Variants in JAZF1 observed in about 807,000 individuals in gnomAD.
JAZF1 encodes juxtaposed with another zinc finger protein 1.
A neutral mutation model predicts 26.4 loss-of-function variants in JAZF1; 8 were observed. That is an observed-to-expected ratio of 0.30 (90% CI 0.18 to 0.55). The LOEUF is 0.55. Ranked by LOEUF, JAZF1 falls within the 20% of genes least tolerant of loss-of-function variation. The pLI is 0.94. For missense variants in JAZF1, 199 were observed against 322.0 expected (o/e 0.62, Z 2.92); for synonymous variants, 126 against 122.3 (o/e 1.03, Z -0.20).
intron 2 of JAZF1, among the ~76,000 whole-genome samples, chr7:27,944,584 G>A (rs1229894419): frequency 2.0e-5 from 3 of 152,152 alleles, no homozygotes; most frequent in Non-Finnish European, 4.4e-5. Context: ...TTTTATTTCA[G>A]TCTGGGTCTC....
chr7:28,136,744 G>T (rs1183238160), intron 1 of JAZF1, among the ~76,000 whole-genome samples: 1 of 151,942 alleles, frequency 6.6e-6, no homozygotes, highest in Non-Finnish European at 1.5e-5. Flanking sequence ...AATACTGCAT[G>T]AAGAGACCCA....
At chr7:27,953,785 T>C (rs1785046654) in intron 2 of JAZF1, among the ~76,000 whole-genome samples, 1 of 152,188 alleles carries the variant, frequency 6.6e-6, no homozygotes, top group Admixed American at 6.5e-5. Flanking sequence ...TTATCCTAAG[T>C]TATGGGCTGA....
chr7:27,937,061 G>A (rs1047499219), intron 2 of JAZF1, among the ~76,000 whole-genome samples: 2 of 152,100 alleles, frequency 1.3e-5, no homozygotes, highest in Non-Finnish European at 2.9e-5. Context: ...TTCTTGTGAG[G>A]CTTTGCCAAC....
At chr7:28,013,079 C>A (rs1782824535) in intron 1 of JAZF1, among the ~76,000 whole-genome samples, 1 of 152,142 alleles carries the variant, frequency 6.6e-6, no homozygotes, top group East Asian at 1.9e-4. Context: ...GTAGGTTTAT[C>A]AAGTAGCGGC....
At chr7:28,031,551 A>G (rs1783193453) in intron 1 of JAZF1, among the ~76,000 whole-genome samples, 1 of 152,226 alleles carries the variant, frequency 6.6e-6, no homozygotes, top group South Asian at 2.1e-4. Context: ...TGCAGAGCGT[A>G]CCATTTGTAC....
chr7:27,937,844 T>C (rs774722289), intron 2 of JAZF1, among the ~76,000 whole-genome samples: 1 of 152,246 alleles, frequency 6.6e-6, no homozygotes, highest in Non-Finnish European at 1.5e-5. Flanking sequence ...GGATTACTGA[T>C]ACTGTAAAAA....
intron 1 of JAZF1, among the ~76,000 whole-genome samples, chr7:28,118,709 G>A (rs1344087540): frequency 6.6e-6 from 1 of 151,506 alleles, no homozygotes; most frequent in Non-Finnish European, 1.5e-5. Context: ...ACATTACTCT[G>A]TCATTTGAGG....
rs1260346826 is a variant in JAZF1 at position 27,832,145 on chromosome 7, A to C, written c.*655T>G. The C allele has an allele frequency of 4.7e-6, 1 of 213,764 alleles. No homozygotes were observed. The allele number at this position is 213,764 out of a possible 1,614,324, so 13.2% of individuals were successfully genotyped here. A position where few individuals can be genotyped will look rare whatever the true frequency, so the allele number is the denominator to read the frequency against. On this transcript the variant is annotated 3_prime_UTR_variant, in exon 5 of 5. Coordinates refer to ENST00000283928, the MANE Select transcript of JAZF1 (RefSeq NM_175061.4). ...ATTTATAACACTAAAATGACTAGTA[A>C]GTCAGATGGCAAGATTTTCAGCTTT...
At chr7:27,961,298 G>A (rs1395288372) in intron 2 of JAZF1, among the ~76,000 whole-genome samples, 2 of 152,180 alleles carry the variant, frequency 1.3e-5, no homozygotes, top group Non-Finnish European at 2.9e-5. Context: ...TCTACCTCCA[G>A]AGTCTGTGTT....
At chr7:27,904,426 T>C (rs1784215237) in intron 2 of JAZF1, among the ~76,000 whole-genome samples, 2 of 152,236 alleles carry the variant, frequency 1.3e-5, no homozygotes, top group African/African-American at 4.8e-5. Context: ...AGTGGAGTAA[T>C]CATTTGTCAG....
intron 1 of JAZF1, among the ~76,000 whole-genome samples, chr7:28,103,479 A>G (rs2127928743): frequency 6.6e-6 from 1 of 152,206 alleles, no homozygotes; most frequent in Admixed American, 6.5e-5. Flanking sequence ...TTAATTGCCC[A>G]CTGAAGATTA....
chr7:28,180,006 G>C (rs1036345734), intron 1 of JAZF1, among the ~76,000 whole-genome samples: 1 of 131,544 alleles, frequency 7.6e-6, no homozygotes, highest in Admixed American at 8.2e-5. Flanking sequence ...TGCAGCGCCC[G>C]CCCCCCGCTG....
At chr7:27,849,624 C>T (rs1280027658) in intron 3 of JAZF1, among the ~76,000 whole-genome samples, 2 of 152,084 alleles carry the variant, frequency 1.3e-5, no homozygotes, top group Admixed American at 6.5e-5. Context: ...ATGAGCAAAA[C>T]GAAGGTAGGA....
intron 2 of JAZF1, among the ~76,000 whole-genome samples, chr7:27,896,032 A>G (rs920117346): frequency 6.6e-6 from 1 of 152,224 alleles, no homozygotes; most frequent in African/African-American, 2.4e-5. Context: ...GGCCCACCTC[A>G]GGAAACACAG....
chr7:27,939,509 G>C (rs1268081360), intron 2 of JAZF1, among the ~76,000 whole-genome samples: 1 of 152,212 alleles, frequency 6.6e-6, no homozygotes, highest in South Asian at 2.1e-4. Flanking sequence ...AAGGGGATGA[G>C]CTGTGTGTCC....
intron 3 of JAZF1, among the ~76,000 whole-genome samples, chr7:27,857,559 G>GCTGT (rs1465989722): frequency 2.0e-5 from 3 of 152,262 alleles, no homozygotes; most frequent in Non-Finnish European, 4.4e-5. Context: ...CTGCCAGCAT[G>GCTGT]CTGTCACCTC....
At chr7:28,031,338 T>G (rs1428216675) in intron 1 of JAZF1, among the ~76,000 whole-genome samples, 5 of 152,150 alleles carry the variant, frequency 3.3e-5, no homozygotes, top group African/African-American at 1.2e-4. Flanking sequence ...AACGTTCATA[T>G]AGAACAAACA....
chr7:28,139,927 T>C (rs1391958762), intron 1 of JAZF1, among the ~76,000 whole-genome samples: 2 of 152,012 alleles, frequency 1.3e-5, no homozygotes, highest in Non-Finnish European at 2.9e-5. Context: ...GTTTAGAGTA[T>C]ATGTATTTGG....
intron 1 of JAZF1, among the ~76,000 whole-genome samples, chr7:28,081,539 G>A (rs1441809541): frequency 6.6e-6 from 1 of 152,218 alleles, no homozygotes; most frequent in Non-Finnish European, 1.5e-5. Flanking sequence ...GACTTGAAAA[G>A]TTACCTGGGG....
Sources: gnomAD v4.1 joint callset for allele counts (sites outside exome capture counted in the v4.1 genomes callset) on GRCh38, gnomAD v4.1.1 for gene constraint, MANE v1.5 for transcripts, NCBI Gene and HGNC (gene_info 2026-07-23, HGNC 2026-07-21) for gene names.